The following IMMP2L variants were observed in gnomAD, a reference collection of about 807,000 sequenced individuals.
IMMP2L encodes the protein mitochondrial inner membrane protease subunit 2.
A neutral mutation model predicts 19.3 loss-of-function variants in IMMP2L; 18 were observed. The ratio of observed to expected loss-of-function variants is 0.93; its 90% CI spans 0.64 to 1.38. IMMP2L has a LOEUF of 1.38. Ranked by LOEUF, IMMP2L falls within the 40% of genes most tolerant of loss-of-function variation. The pLI is 0.00. For missense variants in IMMP2L, 233 were observed against 218.2 expected, an observed-to-expected ratio of 1.07 and a Z score of -0.43; for synonymous variants, 76 against 73.0, an observed-to-expected ratio of 1.04 and a Z score of -0.21.
intron 3 of IMMP2L, among the ~76,000 whole-genome samples, chr7:110,996,845 C>G (rs888355903): frequency 3.3e-5 from 5 of 151,914 alleles, no homozygotes; most frequent in African/African-American, 1.2e-4. Flanking sequence ...TAAGATCCAC[C>G]GAACTTATTC....
chr7:110,687,900 T>A (rs1241527722), intron 5 of IMMP2L, among the ~76,000 whole-genome samples: 1 of 151,920 alleles, frequency 6.6e-6, no homozygotes, highest in Non-Finnish European at 1.5e-5. Context: ...TCGGTGTGAC[T>A]GCTTTGTCCA....
intron 3 of IMMP2L, among the ~76,000 whole-genome samples, chr7:111,026,576 GA>G (rs1675773516): frequency 6.6e-6 from 1 of 152,028 alleles, no homozygotes; most frequent in Non-Finnish European, 1.5e-5. Flanking sequence ...AAATAGCTCG[GA>G]AATTCCAACA....
At chr7:111,335,294 T>A (rs967275413) in intron 3 of IMMP2L, among the ~76,000 whole-genome samples, 1 of 152,076 alleles carries the variant, frequency 6.6e-6, no homozygotes, top group African/African-American at 2.4e-5. Context: ...TGAGGATGAC[T>A]ACCAAATATC....
intron 5 of IMMP2L, among the ~76,000 whole-genome samples, chr7:110,863,393 T>C (rs1021719521): frequency 2.0e-5 from 3 of 152,156 alleles, no homozygotes; most frequent in African/African-American, 7.2e-5. Context: ...GTCCACAGTA[T>C]GATTTTTCAA....
Position 110,870,278 on chromosome 7 carries a change from C to T in IMMP2L, c.408+16315G>A, listed in dbSNP as rs75368092. 0.011 allele frequency among the ~76,000 whole-genome samples: 1,641 copies of T among 152,110 alleles called. 44 individuals are homozygous for T. The highest frequency in any genetic ancestry group is 0.05 in the Admixed American group (769 of 15,248). Reference sequence around the variant, plus strand: ...CTTTTTTCCAAAGATGTCAGATGTCCTTCTTGTATACTTTCCACTGACTTC... The same window carrying T: ...CTTTTTTCCAAAGATGTCAGATGTCTTTCTTGTATACTTTCCACTGACTTC... On this transcript the variant is annotated intron_variant, in intron 5 of 5. Coordinates refer to ENST00000405709, the MANE Select transcript of IMMP2L (RefSeq NM_032549.4). This position sits in a 1 kb window ranked among gnomAD's most constrained non-coding sequence, Gnocchi z 4.2.
At chr7:111,237,368 A>G (rs1174031681) in intron 3 of IMMP2L, among the ~76,000 whole-genome samples, 1 of 152,128 alleles carries the variant, frequency 6.6e-6, no homozygotes, top group African/African-American at 2.4e-5. Context: ...TTACTGGAAG[A>G]TTACAAACTA....
At chr7:110,849,934 T>C (rs1806029905) in intron 5 of IMMP2L, among the ~76,000 whole-genome samples, 2 of 152,072 alleles carry the variant, frequency 1.3e-5, no homozygotes, top group African/African-American at 2.4e-5. Context: ...AACTAAAATA[T>C]GTTTCAAGTG....
chr7:110,671,492 A>C (rs570593921), intron 5 of IMMP2L, among the ~76,000 whole-genome samples: 30 of 152,312 alleles, frequency 2.0e-4, no homozygotes, highest in South Asian at 1.0e-3. Flanking sequence ...CCAGGATATC[A>C]GTCAATGGGT....
chr7:110,690,113 G>A (rs1793389536), intron 5 of IMMP2L, among the ~76,000 whole-genome samples: 1 of 152,066 alleles, frequency 6.6e-6, no homozygotes, highest in South Asian at 2.1e-4. Flanking sequence ...GGCTTCTATC[G>A]TGGCACCCAC....
At chr7:110,701,641 T>A (rs1406823229) in intron 5 of IMMP2L, among the ~76,000 whole-genome samples, 1 of 152,134 alleles carries the variant, frequency 6.6e-6, no homozygotes, top group Non-Finnish European at 1.5e-5. Flanking sequence ...GCCAGGCTGG[T>A]CTCAAACTCC....
At chr7:111,285,728 T>C (rs1820410906) in intron 3 of IMMP2L, among the ~76,000 whole-genome samples, 1 of 152,144 alleles carries the variant, frequency 6.6e-6, no homozygotes, top group Non-Finnish European at 1.5e-5. Flanking sequence ...CTTTCTTGTG[T>C]CTCTCCAACT....
At chr7:111,403,002 C>T (rs911526629) in intron 3 of IMMP2L, among the ~76,000 whole-genome samples, 3 of 106,226 alleles carry the variant, frequency 2.8e-5, no homozygotes, top group Non-Finnish European at 5.8e-5. Flanking sequence ...CCCCCCCCCC[C>T]CACCCCGCCA....
intron 3 of IMMP2L, among the ~76,000 whole-genome samples, chr7:111,207,592 G>C (rs1469660890): frequency 7.6e-6 from 1 of 131,854 alleles, no homozygotes; most frequent in African/African-American, 2.9e-5. Context: ...AGGCTGGAGT[G>C]CAGTGGCACA....
rs958638126 is a variant in IMMP2L at position 111,213,333 on chromosome 7, G to A, written c.240-249768C>T. Among the ~76,000 whole-genome samples, 1 of 152,188 alleles carries A rather than the reference G, an allele frequency of 6.6e-6. No homozygotes were observed. The highest frequency in any genetic ancestry group is 2.4e-5 in the African/African-American group (1 of 41,444). ...CTTTGGGTGCCAATGAGCATGGGAG[G>A]GAGGCTGAGTGGGGCCTGAAGGCAG... On this transcript the variant is annotated intron_variant, in intron 3 of 5. Transcript: ENST00000405709. This position sits in a 1 kb window ranked among gnomAD's most constrained non-coding sequence, Gnocchi z 4.8.
At chr7:111,166,207 C>T (rs1402383442) in intron 3 of IMMP2L, among the ~76,000 whole-genome samples, 1 of 151,902 alleles carries the variant, frequency 6.6e-6, no homozygotes, top group Non-Finnish European at 1.5e-5. Context: ...TAATTAGTGA[C>T]AAAACCTGAC....
intron 2 of IMMP2L, among the ~76,000 whole-genome samples, chr7:111,502,562 T>C (rs574751935): frequency 1.3e-5 from 2 of 152,128 alleles, no homozygotes; most frequent in South Asian, 2.1e-4. Flanking sequence ...ATTGACCACA[T>C]AGTTGGAAGT....
At chr7:111,049,227 T>C (rs1455916156) in intron 3 of IMMP2L, among the ~76,000 whole-genome samples, 1 of 139,426 alleles carries the variant, frequency 7.2e-6, no homozygotes, top group Non-Finnish European at 1.5e-5. Flanking sequence ...GCCTCCCGGG[T>C]TCACGCCATT....
intron 4 of IMMP2L, among the ~76,000 whole-genome samples, chr7:110,956,270 C>G (rs1224825547): frequency 6.6e-6 from 1 of 152,022 alleles, no homozygotes; most frequent in Non-Finnish European, 1.5e-5. Flanking sequence ...TCATGATTCT[C>G]TATTTCCGAT....
chr7:111,236,250 CT>C (rs1814298769), intron 3 of IMMP2L, among the ~76,000 whole-genome samples: 1 of 151,798 alleles, frequency 6.6e-6, no homozygotes, highest in Admixed American at 6.6e-5. Flanking sequence ...TGATTTTCAC[CT>C]TTTGGGGTGC....
Sources: allele counts gnomAD v4.1 joint callset (sites outside exome capture counted in the v4.1 genomes callset), GRCh38; gene constraint gnomAD v4.1.1; non-coding constraint Gnocchi (gnomAD v3.1); transcripts MANE v1.5; gene names NCBI Gene and HGNC (gene_info 2026-07-23, HGNC 2026-07-21).